The following MYO3A variants were observed in gnomAD, a reference collection of about 807,000 sequenced individuals.
MYO3A encodes the protein myosin IIIA, also known as myosin-IIIa.
MYO3A carries 180 observed loss-of-function variants against 192.7 expected under a neutral mutation model. That is an observed-to-expected ratio of 0.93 (90% CI 0.83 to 1.06). MYO3A has a LOEUF of 1.06. Ranked by LOEUF, MYO3A falls within the 50% of genes least tolerant of loss-of-function variation. The probability of loss-of-function intolerance (pLI) is 0.00; values close to 1 mark genes in which losing one functional copy is unlikely to be tolerated. For synonymous variants in MYO3A, 628 were observed against 645.3 expected (o/e 0.97, Z 0.41); for missense variants, 1,896 against 1,905.0 (o/e 1.00, Z 0.09).
At chr10:26,192,036 G>A (rs116421297) in intron 31 of MYO3A, among the ~76,000 whole-genome samples, 62 of 152,182 alleles carry the variant, frequency 4.1e-4, no homozygotes, top group African/African-American at 1.3e-3. Flanking sequence ...TCTATCTGTC[G>A]AGCAGACATT....
At chr10:26,134,363 A>C (rs945390615) in intron 20 of MYO3A, among the ~76,000 whole-genome samples, 1 of 152,194 alleles carries the variant, frequency 6.6e-6, no homozygotes, top group Non-Finnish European at 1.5e-5. Flanking sequence ...ATAAAAACTA[A>C]CAGGATCATC....
chr10:26,008,701 T>A lies in MYO3A; in HGVS notation c.509-8119T>A, dbSNP rs1456168862. 1.6e-4 allele frequency among the ~76,000 whole-genome samples: 24 copies of A among 151,692 alleles called. 1 individual carries two copies. Among genetic ancestry groups the A allele is most frequent in the Admixed American group, 1.6e-3 (24 of 15,218 alleles). ...AGATACCATCTCACACCAGTTAGAA[T>A]GGCAATTGTTAAAAAGTCAGGAAAC... On this transcript the variant is annotated intron_variant, in intron 6 of 34. Coordinates refer to ENST00000642920, the MANE Select transcript of MYO3A (RefSeq NM_017433.5).
chr10:26,069,514 TC>T (rs1341191541), intron 12 of MYO3A, among the ~76,000 whole-genome samples: 2 of 152,084 alleles, frequency 1.3e-5, no homozygotes, highest in Non-Finnish European at 2.9e-5. Context: ...TTAATACTGT[TC>T]CTAATAGTTG....
intron 31 of MYO3A, among the ~76,000 whole-genome samples, chr10:26,177,807 C>T (rs1842407410): frequency 1.3e-5 from 2 of 152,248 alleles, no homozygotes; most frequent in Admixed American, 1.3e-4. Context: ...CATGCAACTT[C>T]TAATTTCTTC....
chr10:26,170,961 A>G (rs1177290077), intron 29 of MYO3A, among the ~76,000 whole-genome samples: 1 of 152,194 alleles, frequency 6.6e-6, no homozygotes, highest in Non-Finnish European at 1.5e-5. Flanking sequence ...TTCCAAGTGC[A>G]TGTTAGCAAA....
intron 10 of MYO3A, 96 bp downstream of exon 10, chr10:26,026,628 G>C: frequency 7.1e-7 from 1 of 1,416,792 alleles, no homozygotes; most frequent in Non-Finnish European, 9.8e-7. Context: ...ATAAAATTTG[G>C]AGGTAATGGG....
intron 33 of MYO3A, among the ~76,000 whole-genome samples, chr10:26,202,416 A>G (rs891433759): frequency 3.9e-5 from 6 of 152,246 alleles, no homozygotes; most frequent in African/African-American, 1.2e-4. Flanking sequence ...TAACATGGGC[A>G]AGGATGCACC....
chr10:25,970,887 G>A (rs11014880), intron 4 of MYO3A, among the ~76,000 whole-genome samples: 24,273 of 151,754 alleles, frequency 0.16, 2,322 homozygotes, highest in African/African-American at 0.24. Context: ...AATAGAAAAT[G>A]CAAATAGTTT....
intron 14 of MYO3A, among the ~76,000 whole-genome samples, chr10:26,084,843 A>T (rs1409556678): frequency 6.6e-6 from 1 of 152,184 alleles, no homozygotes; most frequent in Non-Finnish European, 1.5e-5. Flanking sequence ...AAGTATTGGT[A>T]TTGATTTTCT....
intron 23 of MYO3A, among the ~76,000 whole-genome samples, chr10:26,153,540 CA>C (rs568940827): frequency 7.2e-5 from 11 of 152,248 alleles, no homozygotes; most frequent in African/African-American, 2.6e-4. Context: ...ATTTATCACA[CA>C]AAAAAATAAG....
chr10:26,120,856 A>T, intron 18 of MYO3A, 54 bp downstream of exon 18: 1 of 1,593,462 alleles, frequency 6.3e-7, no homozygotes, highest in Non-Finnish European at 8.6e-7. Flanking sequence ...CTTATGACAT[A>T]CCATAAGTAT....
At chr10:26,007,680 GTA>G (rs1841320142) in intron 6 of MYO3A, among the ~76,000 whole-genome samples, 1 of 151,404 alleles carries the variant, frequency 6.6e-6, no homozygotes, top group Non-Finnish European at 1.5e-5. Context: ...TACAAGGGAT[GTA>G]AAGGACCTCT....
intron 31 of MYO3A, among the ~76,000 whole-genome samples, chr10:26,185,402 CA>C (rs1842816780): frequency 7.9e-6 from 1 of 127,096 alleles, no homozygotes; most frequent in Non-Finnish European, 1.6e-5. Flanking sequence ...TGCAGTGGCA[CA>C]ATCTCAGGTC....
Position 26,089,816 on chromosome 10 carries a change from A to G in MYO3A, c.1562+1411A>G, listed in dbSNP as rs2368124. ...TTAAAATGAAATAGCATTAGTACCT[A>G]CCTATCAATTAAGACAAGGTACCTA... On this transcript the variant is annotated intron_variant, in intron 15 of 34. Coordinates refer to ENST00000642920, the MANE Select transcript of MYO3A (RefSeq NM_017433.5). Among the ~76,000 whole-genome samples, 662 of 152,276 alleles carry G rather than the reference A, an allele frequency of 4.3e-3. 4 individuals are homozygous for G. Among genetic ancestry groups the G allele is most frequent in the African/African-American group, 0.015 (631 of 41,566 alleles).
intron 31 of MYO3A, among the ~76,000 whole-genome samples, chr10:26,185,827 G>A (rs1300228190): frequency 2.6e-5 from 4 of 151,966 alleles, no homozygotes; most frequent in South Asian, 2.1e-4. Context: ...ATATAACAGA[G>A]ATTTTCATCA....
chr10:25,952,526 C>A (rs561142905), intron 3 of MYO3A, among the ~76,000 whole-genome samples: 1 of 151,984 alleles, frequency 6.6e-6, no homozygotes, highest in Non-Finnish European at 1.5e-5. Flanking sequence ...TCTCAACCGA[C>A]GATATTATTA....
chr10:25,954,607 A>G (rs534520781), intron 3 of MYO3A, among the ~76,000 whole-genome samples: 1 of 152,268 alleles, frequency 6.6e-6, no homozygotes, highest in Non-Finnish European at 1.5e-5. Flanking sequence ...ATGTTTACTT[A>G]TAATTGCAAA....
In MYO3A at chr10:25,955,027, T is replaced by A. The variant is rs750552462; in HGVS notation, c.303+19T>A. On this transcript the variant is annotated intron_variant, in intron 4 of 34. Transcript: ENST00000642920. Reference sequence around the variant, plus strand: ...TCTTGAGGTAAGTGTGTCAGCATCATTTGTATGGGTGGAAACTTAGAGTGT... The same window carrying A: ...TCTTGAGGTAAGTGTGTCAGCATCAATTGTATGGGTGGAAACTTAGAGTGT... 3.1e-6 allele frequency: 5 copies of A among 1,611,710 alleles called. No homozygotes were observed. The East Asian group carries it at 8.9e-5, about 29-fold the overall frequency.
chr10:26,116,203 A>G (rs1198953862), intron 17 of MYO3A, among the ~76,000 whole-genome samples: 1 of 152,188 alleles, frequency 6.6e-6, no homozygotes, highest in East Asian at 1.9e-4. Flanking sequence ...AAAGTCTGAG[A>G]TTAGGATGTG....
Sources: gnomAD v4.1 joint callset for allele counts (sites outside exome capture counted in the v4.1 genomes callset) on GRCh38, gnomAD v4.1.1 for gene constraint, MANE v1.5 for transcripts, NCBI Gene and HGNC (gene_info 2026-07-23, HGNC 2026-07-21) for gene names.